The following FAR2 variants were observed in gnomAD, a reference collection of about 807,000 sequenced individuals.
The protein encoded by FAR2 is epididymis secretory protein Li 81.
In FAR2, 19 loss-of-function variants were observed where a neutral mutation model predicts 56.0. That is an observed-to-expected ratio of 0.34 (90% confidence interval 0.24 to 0.50). The LOEUF (loss-of-function observed/expected upper bound fraction) is 0.50, where lower values mean the gene tolerates loss of function less well. Ranked by LOEUF, FAR2 falls within the 20% of genes least tolerant of loss-of-function variation. The pLI is 0.98. For synonymous variants in FAR2, 219 were observed against 218.8 expected, an observed-to-expected ratio of 1.00 and a Z score of -0.01; for missense variants, 508 against 642.2, an observed-to-expected ratio of 0.79 and a Z score of 2.26.
intron 1 of FAR2, among the ~76,000 whole-genome samples, chr12:29,241,727 C>T (rs952407108): frequency 4.6e-5 from 7 of 152,198 alleles, no homozygotes; most frequent in East Asian, 1.9e-4. Flanking sequence ...ACCTTCAAAA[C>T]GAAAAGTCTC....
chr12:29,326,281 G>A (rs1049111948), intron 10 of FAR2, among the ~76,000 whole-genome samples: 1 of 152,144 alleles, frequency 6.6e-6, no homozygotes, highest in Non-Finnish European at 1.5e-5. Context: ...ACCAAAAAAA[G>A]TCCAGGACCA....
intron 10 of FAR2, among the ~76,000 whole-genome samples, chr12:29,331,171 T>G (rs1949725976): frequency 6.6e-6 from 1 of 151,890 alleles, no homozygotes; most frequent in South Asian, 2.1e-4. Flanking sequence ...AACGAGCAAC[T>G]TTCTTTCACT....
At chr12:29,206,941 C>G (rs534284163) in intron 1 of FAR2, among the ~76,000 whole-genome samples, 2 of 151,872 alleles carry the variant, frequency 1.3e-5, no homozygotes, top group Non-Finnish European at 2.9e-5. Flanking sequence ...TGCCACCAGC[C>G]GGGCACAGAA....
intron 1 of FAR2, among the ~76,000 whole-genome samples, chr12:29,268,208 T>C (rs1948550933): frequency 6.6e-6 from 1 of 152,144 alleles, no homozygotes; most frequent in Non-Finnish European, 1.5e-5. Flanking sequence ...TTATAAGCCC[T>C]GATGTCAGGG....
At chr12:29,301,413 A>C (rs1442387036) in intron 4 of FAR2, among the ~76,000 whole-genome samples, 1 of 152,176 alleles carries the variant, frequency 6.6e-6, no homozygotes, top group Non-Finnish European at 1.5e-5. Context: ...TGGATCAGGG[A>C]TTGCCAGTGA....
At chr12:29,182,572 A>C (rs1402764777) in intron 1 of FAR2, among the ~76,000 whole-genome samples, 1 of 152,172 alleles carries the variant, frequency 6.6e-6, no homozygotes, top group Non-Finnish European at 1.5e-5. Context: ...TAAGACAGAA[A>C]AGTTCTCCAA....
At chr12:29,273,257 T>A (rs947368008) in intron 2 of FAR2, among the ~76,000 whole-genome samples, 2 of 152,164 alleles carry the variant, frequency 1.3e-5, no homozygotes, top group South Asian at 2.1e-4. Flanking sequence ...AGTCTGCTGG[T>A]CCACAGAGAC....
chr12:29,273,916 G>A (rs892349427), intron 2 of FAR2, among the ~76,000 whole-genome samples: 23 of 151,912 alleles, frequency 1.5e-4, no homozygotes, highest in African/African-American at 5.3e-4. Flanking sequence ...GTGGCTCTCA[G>A]GTGGGCCACC....
At chr12:29,239,663 A>G (rs1012173116) in intron 1 of FAR2, among the ~76,000 whole-genome samples, 9 of 152,194 alleles carry the variant, frequency 5.9e-5, no homozygotes, top group Admixed American at 4.6e-4. Context: ...AGTCATCATA[A>G]CCAAAGATTT....
intron 1 of FAR2, among the ~76,000 whole-genome samples, chr12:29,264,977 A>AGAT (rs1297931835): frequency 2.6e-5 from 4 of 152,220 alleles, no homozygotes; most frequent in Non-Finnish European, 4.4e-5. Flanking sequence ...ATGAAATAAA[A>AGAT]GATCTCTACA....
intron 4 of FAR2, among the ~76,000 whole-genome samples, chr12:29,305,848 A>C (rs75887502): frequency 0.068 from 10,416 of 152,210 alleles, 409 homozygotes; most frequent in South Asian, 0.12. Context: ...TAAGACAAGC[A>C]AACTCACCAA....
chr12:29,210,064 C>G (rs78354707), intron 1 of FAR2, among the ~76,000 whole-genome samples: 1 of 151,870 alleles, frequency 6.6e-6, no homozygotes, highest in Admixed American at 6.6e-5. Context: ...AATAATCAAC[C>G]GGGTGTGGTG....
intron 1 of FAR2, among the ~76,000 whole-genome samples, chr12:29,197,870 G>A (rs1236575696): frequency 6.6e-6 from 1 of 151,992 alleles, no homozygotes; most frequent in African/African-American, 2.4e-5. Flanking sequence ...TTGAACTCAA[G>A]AAAAAGCAAA....
At chr12:29,326,432 T>G (rs12529903) in intron 10 of FAR2, among the ~76,000 whole-genome samples, 2 of 151,590 alleles carry the variant, frequency 1.3e-5, no homozygotes, top group Non-Finnish European at 2.9e-5. Context: ...TACCAAAGCC[T>G]GGCAGAGACA....
At chr12:29,275,940 G>C (rs569169752) in intron 2 of FAR2, among the ~76,000 whole-genome samples, 8 of 152,236 alleles carry the variant, frequency 5.3e-5, no homozygotes, top group African/African-American at 1.7e-4. Context: ...TGACTTTTAT[G>C]AACAGTGGTT....
At chr12:29,242,248 G>C (rs7958210) in intron 1 of FAR2, among the ~76,000 whole-genome samples, 56,446 of 152,044 alleles carry the variant, frequency 0.37, 10,592 homozygotes, top group African/African-American at 0.41. Context: ...AAGACAAAAA[G>C]CTTCTTTAAA....
intron 1 of FAR2, among the ~76,000 whole-genome samples, chr12:29,185,680 A>G (rs995834656): frequency 1.3e-5 from 2 of 152,230 alleles, no homozygotes; most frequent in Non-Finnish European, 2.9e-5. Context: ...CTCCTAGCTC[A>G]TCTGCCTTTG....
intron 1 of FAR2, among the ~76,000 whole-genome samples, chr12:29,153,004 A>G (rs1357552805): frequency 6.6e-6 from 1 of 152,218 alleles, no homozygotes; most frequent in Non-Finnish European, 1.5e-5. Flanking sequence ...TTATGTAAGG[A>G]AAAGGCTGGA....
chr12:29,253,379 A>ATATCTATCTATC (rs1565489596), intron 1 of FAR2, among the ~76,000 whole-genome samples: 3 of 145,076 alleles, frequency 2.1e-5, no homozygotes, highest in African/African-American at 7.8e-5. Flanking sequence ...ATCTATCTAG[A>ATATCTATCTATC]TAGATAGATA....
Sources: gnomAD v4.1 joint callset for allele counts (sites outside exome capture counted in the v4.1 genomes callset) on GRCh38, gnomAD v4.1.1 for gene constraint, MANE v1.5 for transcripts, NCBI Gene and HGNC (gene_info 2026-07-23, HGNC 2026-07-21) for gene names.